The following DDC variants were observed in gnomAD, a reference collection of about 807,000 sequenced individuals.
DDC encodes dopa decarboxylase, also known as aromatic-L-amino-acid decarboxylase.
In DDC, 43 loss-of-function variants were observed where a neutral mutation model predicts 60.0. That is an observed-to-expected ratio of 0.72 (90% confidence interval 0.56 to 0.92). The LOEUF (loss-of-function observed/expected upper bound fraction) is 0.92. DDC is among the 40% of genes least tolerant of loss of function. DDC has a pLI of 0.00. For missense variants in DDC, 573 were observed against 620.2 expected (o/e 0.92, Z 0.81); for synonymous variants, 232 against 234.6 (o/e 0.99, Z 0.10).
chr7:50,465,456 C>T (rs1057154980), intron 13 of DDC, among the ~76,000 whole-genome samples: 36 of 15,526 alleles, frequency 2.3e-3, no homozygotes, highest in African/African-American at 9.5e-3. Flanking sequence ...CTGCAACCTC[C>T]GCCTCCCAGG....
chr7:50,559,090 AAGCCCT>A (rs2045273496), intron 1 of DDC, among the ~76,000 whole-genome samples: 1 of 152,238 alleles, frequency 6.6e-6, no homozygotes, highest in African/African-American at 2.4e-5. Flanking sequence ...GCAGCAGTGT[AAGCCCT>A]TTACCTATAT....
At chr7:50,556,672 C>T (rs943207936) in intron 1 of DDC, among the ~76,000 whole-genome samples, 2 of 152,188 alleles carry the variant, frequency 1.3e-5, no homozygotes, top group Non-Finnish European at 2.9e-5. Context: ...TCCATCATCT[C>T]AAGGGAGTTT....
At chr7:50,494,592 A>C (rs1031250711) in intron 9 of DDC, among the ~76,000 whole-genome samples, 3 of 136,658 alleles carry the variant, frequency 2.2e-5, no homozygotes, top group African/African-American at 8.1e-5. Context: ...CACTGTCTCG[A>C]AAAAAAAAAA....
rs555114481 is a variant in DDC at position 50,529,473 on chromosome 7, C to T, written c.436-131G>A. On this transcript the variant is annotated intron_variant, in intron 4 of 14. Transcript: ENST00000444124. ...TGAGTCTGAAATGGCAAAATTCACT[C>T]TCCTTTGCTTAGGAGAAAACTAATA... is the stretch of plus-strand genomic sequence containing the variant. 137 of 1,075,246 alleles carry T rather than the reference C, an allele frequency of 1.3e-4. 1 individual carries two copies. In the South Asian group the frequency reaches 1.7e-3, roughly 13 times the overall value. 66.6% of individuals were successfully genotyped at this position (1,075,246 alleles called of 1,614,324 possible).
Position 50,528,126 on chromosome 7 carries a change from GC to G in DDC, c.714+10del. 1 of 1,612,180 alleles carries G rather than the reference GC, an allele frequency of 6.2e-7. No individual in the cohort carries two copies. The highest frequency in any genetic ancestry group is 8.5e-7 in the Non-Finnish European group (1 of 1,179,830). Reference sequence around the variant, plus strand: ...TTATTGGCCAGGAGCCACAAGTGCTGCCGAACTTACAAAGAAAGGAATCAGG... The same window carrying G: ...TTATTGGCCAGGAGCCACAAGTGCTGCGAACTTACAAAGAAAGGAATCAGG... On this transcript the variant is annotated intron_variant, in intron 6 of 14. Transcript: ENST00000444124.
intron 11 of DDC, among the ~76,000 whole-genome samples, chr7:50,476,065 C>G (rs1348672277): frequency 6.6e-6 from 1 of 152,176 alleles, no homozygotes; most frequent in African/African-American, 2.4e-5. Context: ...TCACCCTCCC[C>G]CTTGGGTTCT....
intron 1 of DDC, 122 bp from the exon 2 acceptor site, chr7:50,544,235 G>T: frequency 1.3e-6 from 1 of 754,670 alleles, no homozygotes; most frequent in Non-Finnish European, 2.3e-6. Context: ...AGGCCACTTG[G>T]ATCCCAAGTA....
chr7:50,561,330 G>C (rs1329428830), intron 1 of DDC, among the ~76,000 whole-genome samples: 3 of 152,094 alleles, frequency 2.0e-5, no homozygotes, highest in African/African-American at 7.2e-5. Context: ...ATGCAGATTT[G>C]GGGCCAGGGC....
intron 6 of DDC, among the ~76,000 whole-genome samples, chr7:50,517,924 A>G (rs1563021391): frequency 1.3e-5 from 2 of 151,764 alleles, no homozygotes; most frequent in Non-Finnish European, 2.9e-5. Context: ...GAAATCATAG[A>G]TGGGGCCGGG....
intron 6 of DDC, among the ~76,000 whole-genome samples, chr7:50,509,866 A>G (rs1231037876): frequency 6.6e-6 from 1 of 152,206 alleles, no homozygotes; most frequent in Non-Finnish European, 1.5e-5. Flanking sequence ...TTGGGGAAAA[A>G]AAACCCATCT....
At chr7:50,476,431 C>T (rs2042645042) in intron 11 of DDC, among the ~76,000 whole-genome samples, 193 bp downstream of exon 11, 1 of 152,214 alleles carries the variant, frequency 6.6e-6, no homozygotes, top group East Asian at 1.9e-4. Flanking sequence ...AACCTGAGAC[C>T]TCTGACTGAG....
intron 5 of DDC, 90 bp downstream of exon 5, chr7:50,529,118 G>T: frequency 6.5e-7 from 1 of 1,544,570 alleles, no homozygotes; most frequent in African/African-American, 1.4e-5. Flanking sequence ...CTTAGATTTG[G>T]AAGGATGCTG....
chr7:50,522,630 G>T (rs2153544417), intron 6 of DDC, among the ~76,000 whole-genome samples: 2 of 152,318 alleles, frequency 1.3e-5, no homozygotes, highest in East Asian at 3.9e-4. Flanking sequence ...TTTGACAAAG[G>T]AACAAAAGCA....
chr7:50,468,745 G>A lies in DDC; in HGVS notation c.1140+1328C>T, dbSNP rs1322544639. Reference sequence around the variant, plus strand: ...AATGGAGGGCTGTTACCATCACTAAGGCTGAATATCATAAGTGTGCTTGTT... The same window carrying A: ...AATGGAGGGCTGTTACCATCACTAAAGCTGAATATCATAAGTGTGCTTGTT... On this transcript the variant is annotated intron_variant, in intron 12 of 14. Coordinates refer to ENST00000444124, the MANE Select transcript of DDC (RefSeq NM_001082971.2). 2.0e-5 allele frequency among the ~76,000 whole-genome samples: 3 copies of A among 152,236 alleles called. 1 individual carries two copies. The highest frequency in any genetic ancestry group is 4.1e-4 in the South Asian group (2 of 4,822).
At chr7:50,477,341 G>C (rs1448734147) in intron 10 of DDC, among the ~76,000 whole-genome samples, 1 of 152,220 alleles carries the variant, frequency 6.6e-6, no homozygotes, top group Non-Finnish European at 1.5e-5. Flanking sequence ...ATCAGGTGAG[G>C]ATTATGACAA....
chr7:50,468,905 G>A (rs1328754796), intron 12 of DDC, among the ~76,000 whole-genome samples: 1 of 151,416 alleles, frequency 6.6e-6, no homozygotes, highest in Non-Finnish European at 1.5e-5. Context: ...GCAGATCCAG[G>A]CTCATATTCA....
chr7:50,494,596 A>C (rs955905946), intron 9 of DDC, among the ~76,000 whole-genome samples: 42 of 152,186 alleles, frequency 2.8e-4, no homozygotes, highest in African/African-American at 9.9e-4. Context: ...GTCTCGAAAA[A>C]AAAAAAAGAG....
At chr7:50,460,429 C>T (rs147943363) in intron 14 of DDC, among the ~76,000 whole-genome samples, 14,647 of 148,864 alleles carry the variant, frequency 0.098, 1,084 homozygotes, top group Non-Finnish European at 0.12. Flanking sequence ...GCCCCCTGCC[C>T]GGCCAGCCGC....
intron 4 of DDC, among the ~76,000 whole-genome samples, chr7:50,535,257 A>G (rs144175943): frequency 0.089 from 13,526 of 151,948 alleles, 954 homozygotes; most frequent in South Asian, 0.14. Context: ...CCCAGGTTCA[A>G]GCAATTCTCC....
Sources: gnomAD v4.1 joint callset for allele counts (sites outside exome capture counted in the v4.1 genomes callset) on GRCh38, gnomAD v4.1.1 for gene constraint, MANE v1.5 for transcripts, NCBI Gene and HGNC (gene_info 2026-07-23, HGNC 2026-07-21) for gene names.